MTM1: variants seen among roughly 807,000 people sequenced by gnomAD.
MTM1 encodes the protein myotubularin 1.
Under a neutral mutation model 52.1 loss-of-function variants are expected in MTM1, and 9 were observed. The ratio of observed to expected loss-of-function variants is 0.17; its 90% CI spans 0.10 to 0.30. The LOEUF is 0.30. MTM1 is among the 10% of genes least tolerant of loss of function. The probability of loss-of-function intolerance (pLI) is 1.00; values close to 1 mark genes in which losing one functional copy is unlikely to be tolerated. For missense variants in MTM1, 277 were observed against 470.7 expected (o/e 0.59, Z 3.81); for synonymous variants, 136 against 163.8 (o/e 0.83, Z 1.29).
intron 8 of MTM1, among the ~76,000 whole-genome samples, chrX:150,644,605 A>G (rs2039899717): frequency 9.0e-6 from 1 of 111,682 alleles, no homozygotes; most frequent in Non-Finnish European, 1.9e-5. Flanking sequence ...AGCCCACATG[A>G]TTAAGCTTCT....
At chrX:150,646,924 A>C (rs781926552) in intron 9 of MTM1, among the ~76,000 whole-genome samples, 3 of 111,598 alleles carry the variant, frequency 2.7e-5, no homozygotes, top group African/African-American at 6.5e-5. Flanking sequence ...TTATTTGTGC[A>C]CAGATCTTCT....
At chrX:150,629,584 C>G (rs184721783) in intron 6 of MTM1, among the ~76,000 whole-genome samples, 1 of 112,203 alleles carries the variant, frequency 8.9e-6, no homozygotes, top group African/African-American at 3.2e-5. Context: ...AAATGTTTAT[C>G]GAGTGAATAT....
chrX:150,657,653 G>A (rs782548439), intron 10 of MTM1, among the ~76,000 whole-genome samples, 168 bp from the exon 11 acceptor site: 3 of 111,660 alleles, frequency 2.7e-5, no homozygotes, highest in South Asian at 3.8e-4. Context: ...CAAATGCAGC[G>A]TCTGTAGAGG....
intron 6 of MTM1, among the ~76,000 whole-genome samples, chrX:150,630,929 G>A (rs1342593003): frequency 2.7e-5 from 3 of 112,003 alleles, no homozygotes; most frequent in Non-Finnish European, 5.6e-5. Flanking sequence ...GGCTTCCAGA[G>A]TTCTTGTCCA....
intron 4 of MTM1, among the ~76,000 whole-genome samples, chrX:150,609,076 C>T (rs782535904): frequency 1.2e-3 from 136 of 111,105 alleles, no homozygotes; most frequent in Admixed American, 1.9e-3. Flanking sequence ...ATCCACCAAC[C>T]TCGGCCTCCC....
At chrX:150,623,992 G>A (rs1533423) in intron 6 of MTM1, among the ~76,000 whole-genome samples, 40,836 of 110,330 alleles carry the variant, frequency 0.37, 6,667 homozygotes, top group East Asian at 0.69. Context: ...CCTGACTCCG[G>A]CCAGGTCATG....
chrX:150,577,371 A>G (rs1456335334), intron 1 of MTM1, among the ~76,000 whole-genome samples: 3 of 112,583 alleles, frequency 2.7e-5, no homozygotes, highest in Non-Finnish European at 5.6e-5. Context: ...GTTTAACTTT[A>G]CAAGGAACTG....
intron 4 of MTM1, among the ~76,000 whole-genome samples, chrX:150,608,873 C>T (rs929648105): frequency 1.8e-5 from 2 of 110,616 alleles, no homozygotes; most frequent in Admixed American, 1.9e-4. Context: ...TCTTGTCCCC[C>T]GGCTAGAGGG....
chrX:150,614,890 T>C (rs2148456418), intron 5 of MTM1, among the ~76,000 whole-genome samples, 191 bp downstream of exon 5: 1 of 111,703 alleles, frequency 9.0e-6, no homozygotes, highest in East Asian at 2.8e-4. Context: ...AGGGACCCAC[T>C]GCAATCACCA....
At chrX:150,598,752 T>A in intron 4 of MTM1, 66 bp downstream of exon 4, 4 of 764,231 alleles carry the variant, frequency 5.2e-6, no homozygotes, top group Non-Finnish European at 7.9e-6. Flanking sequence ...TTGTTTCTCT[T>A]CTACTTTGCA....
upstream of MTM1, among the ~76,000 whole-genome samples, chrX:150,564,517 G>A (rs969245822): frequency 8.1e-5 from 9 of 110,890 alleles, no homozygotes; most frequent in Non-Finnish European, 1.7e-4. Flanking sequence ...TGAGTAGCTG[G>A]GATTACAGGT....
chrX:150,584,753 C>T (rs1190110208), intron 1 of MTM1, among the ~76,000 whole-genome samples: 2 of 111,419 alleles, frequency 1.8e-5, no homozygotes, highest in Non-Finnish European at 3.8e-5. Context: ...TCCTTGGAGG[C>T]CCAAGTCCTT....
rs189176887 is a variant in MTM1 at position 150,672,102 on chromosome X, G to T, written c.*507G>T. The T allele has an allele frequency of 2.7e-3, 320 of 118,461 alleles. 1 individual carries two copies. The highest frequency in any genetic ancestry group is 4.4e-3 in the Non-Finnish European group (254 of 57,412). 9.8% of individuals were successfully genotyped at this position (118,461 alleles called of 1,213,427 possible). On this transcript the variant is annotated 3_prime_UTR_variant, in exon 15 of 15. Coordinates refer to ENST00000370396, the MANE Select transcript of MTM1 (RefSeq NM_000252.3). The stretch of plus-strand genomic sequence containing the variant: ...CCAAAAGCAAGGTGTTTAAGTAATT[G>T]CCAGCTTTTATACCATCATGAGTGG...
upstream of MTM1, among the ~76,000 whole-genome samples, chrX:150,563,431 C>T (rs376105694): frequency 7.8e-5 from 8 of 102,424 alleles, no homozygotes; most frequent in South Asian, 4.0e-3. Flanking sequence ...TCTCCTGACT[C>T]AGTCTCCTGA....
intron 4 of MTM1, among the ~76,000 whole-genome samples, chrX:150,607,734 A>G (rs782328439): frequency 2.7e-5 from 3 of 111,180 alleles, no homozygotes; most frequent in Non-Finnish European, 5.7e-5. Context: ...CCAATCTTTC[A>G]TTCTGTATTC....
At chrX:150,612,981 T>TAA (rs74917014) in intron 4 of MTM1, among the ~76,000 whole-genome samples, 26 of 97,359 alleles carry the variant, frequency 2.7e-4, no homozygotes, top group Admixed American at 3.3e-4. Flanking sequence ...GAGACTCATC[T>TAA]AAAAAAAAAA....
Position 150,645,749 on chromosome X carries a change from A to G in MTM1, c.745A>G (p.Met249Val), listed in dbSNP as rs372351233. Residue 249 changes from methionine to valine, a missense_variant, in exon 9 of 15, where the codon ATG becomes GTG. Physicochemically the swap from Met to Val is conservative, Grantham distance 21 (BLOSUM62 1). Transcript: ENST00000370396. Reference protein sequence around the residue: ...IVRCSQPLVGMSGKRNKDDEK... With the variant: ...IVRCSQPLVGVSGKRNKDDEK... ...GCGTTGCAGTCAGCCTCTTGTCGGTATGAGTGGGAAACGAAATAAAGATGA... is the reference window on the plus strand; with the variant it reads ...GCGTTGCAGTCAGCCTCTTGTCGGTGTGAGTGGGAAACGAAATAAAGATGA... 8 of 1,209,547 alleles carry G rather than the reference A, an allele frequency of 6.6e-6. No homozygotes were observed. In the South Asian group the frequency reaches 7.0e-5, roughly 11 times the overall value.
intron 6 of MTM1, among the ~76,000 whole-genome samples, chrX:150,624,624 A>G (rs1006392191): frequency 2.3e-4 from 26 of 112,211 alleles, no homozygotes; most frequent in African/African-American, 8.4e-4. Context: ...TTAATGAGTC[A>G]TAAAATCAAT....
intron 14 of MTM1, among the ~76,000 whole-genome samples, chrX:150,666,330 A>G (rs2040303640): frequency 8.9e-6 from 1 of 112,244 alleles, no homozygotes; most frequent in Non-Finnish European, 1.9e-5. Context: ...TATATATTTT[A>G]TACCCATTAC....
Sources: gnomAD v4.1 joint callset for allele counts (sites outside exome capture counted in the v4.1 genomes callset) on GRCh38, gnomAD v4.1.1 for gene constraint, MANE v1.5 for transcripts, NCBI Gene and HGNC (gene_info 2026-07-23, HGNC 2026-07-21) for gene names.